BRWD1: variants seen among roughly 807,000 people sequenced by gnomAD.
The protein encoded by BRWD1 is bromodomain and WD repeat-containing protein 1.
Under a neutral mutation model 251.2 loss-of-function variants are expected in BRWD1, and 82 were observed. The observed-to-expected ratio is 0.33, with a 90% CI of 0.27 to 0.39. The LOEUF (loss-of-function observed/expected upper bound fraction) is 0.39. Ranked by LOEUF, BRWD1 falls within the 10% of genes least tolerant of loss-of-function variation. The pLI, the probability that BRWD1 is intolerant of heterozygous loss-of-function variation, is 1.00. For missense variants in BRWD1, 2,233 were observed against 2,711.6 expected (o/e 0.82, Z 3.92); for synonymous variants, 918 against 902.8 (o/e 1.02, Z -0.30).
At chr21:39,310,613 AATT>A (rs919663385) in intron 4 of BRWD1, among the ~76,000 whole-genome samples, 5 of 151,744 alleles carry the variant, frequency 3.3e-5, no homozygotes, top group African/African-American at 4.9e-5. Context: ...CAAAAAAAAA[AATT>A]ATTATTATTC....
At chr21:39,294,078 T>C in intron 7 of BRWD1, 46 bp from the exon 8 acceptor site, 1 of 1,493,976 alleles carries the variant, frequency 6.7e-7, no homozygotes, top group Non-Finnish European at 9.2e-7. Flanking sequence ...CAGCAAATCT[T>C]TTAAATATTA....
At position 39,193,885 on chromosome 21, in the gene BRWD1, G is replaced by A. The variant is rs1196094285; in HGVS notation, c.*2374C>T. Reference sequence around the variant, plus strand: ...CTTAAAGGTACTTAGGAGTGTGTGTGTCACATATTCAAAGTTAACCTTAGG... The same window carrying A: ...CTTAAAGGTACTTAGGAGTGTGTGTATCACATATTCAAAGTTAACCTTAGG... On this transcript the variant is annotated 3_prime_UTR_variant, in exon 41 of 41. Transcript: ENST00000342449. The A allele has an allele frequency of 1.0e-6, 1 of 985,336 alleles. No homozygotes were observed. Among genetic ancestry groups the A allele is most frequent in the East Asian group, 1.1e-4 (1 of 8,812 alleles). 61.0% of individuals were successfully genotyped at this position (985,336 alleles called of 1,614,324 possible).
chr21:39,219,682 T>C (rs1019852275), intron 29 of BRWD1: 1 of 152,120 alleles, frequency 6.6e-6, no homozygotes. Context: ...TACACACAAG[T>C]TTTATATAGA....
chr21:39,213,631 A>T, intron 32 of BRWD1, 78 bp from the exon 33 acceptor site: 1 of 973,480 alleles, frequency 1.0e-6, no homozygotes, highest in East Asian at 2.6e-5. Context: ...ACATTAAAAT[A>T]TAAACAGTTC....
intron 20 of BRWD1, among the ~76,000 whole-genome samples, chr21:39,249,087 A>G (rs1453389910): frequency 6.6e-6 from 1 of 152,212 alleles, no homozygotes; most frequent in Non-Finnish European, 1.5e-5. Flanking sequence ...GCTGGAGGCC[A>G]CTATCCCAAG....
At chr21:39,318,386 T>TA (rs2036718741), upstream of BRWD1, among the ~76,000 whole-genome samples, 1 of 152,184 alleles carries the variant, frequency 6.6e-6, no homozygotes, top group East Asian at 1.9e-4. Context: ...CAAAGCCTAA[T>TA]ATTAGTTTTA....
chr21:39,188,357 C>T lies in BRWD1; in HGVS notation c.*7902G>A, dbSNP rs566321778. On this transcript the variant is annotated 3_prime_UTR_variant, in exon 41 of 41. Transcript: ENST00000342449. ...GACATTTAGCATTCAAAAGGTAAGG[C>T]TGTAGATCACTGAAATAACCAGTTG... is the stretch of plus-strand genomic sequence containing the variant. 7.1e-6 allele frequency: 7 copies of T among 985,212 alleles called. No individual in the cohort carries two copies. The highest frequency in any genetic ancestry group is 7.2e-6 in the Non-Finnish European group (6 of 829,914). 61.0% of individuals were successfully genotyped at this position (985,212 alleles called of 1,614,324 possible).
upstream of BRWD1, chr21:39,314,913 G>A (rs1426621488): frequency 6.5e-6 from 1 of 153,074 alleles, no homozygotes; most frequent in Non-Finnish European, 1.5e-5. Flanking sequence ...ATTTGTGCCT[G>A]TCTCAAAGTT....
intron 33 of BRWD1, 63 bp from the exon 34 acceptor site, chr21:39,212,770 T>G: frequency 8.6e-7 from 1 of 1,163,520 alleles, no homozygotes; most frequent in Non-Finnish European, 1.2e-6. Context: ...TAACATAATC[T>G]TAATAAATAA....
chr21:39,196,605 G>T lies in BRWD1; in HGVS notation c.6464C>A (p.Ser2155Tyr). 6.2e-7 allele frequency: 1 copy of T among 1,613,376 alleles called. No homozygotes were observed. Among genetic ancestry groups the T allele is most frequent in the South Asian group, 1.1e-5 (1 of 90,966 alleles). Residue 2155 changes from serine to tyrosine, a missense_variant, in exon 41 of 41, where the codon TCC (serine) becomes TAC (tyrosine). Physicochemically the swap from Ser to Tyr is moderately radical, Grantham distance 144 (BLOSUM62 -2). Coordinates refer to ENST00000342449, the MANE Select transcript of BRWD1 (RefSeq NM_033656.4). ...TACAGATCCCAAATCTGATGATTTG[G>T]AACTAGTATCAGGTCTAAACTTTGA... ...GNSKFRPDTS[S>Y]KSSDLGSVTE...
In BRWD1 at chr21:39,189,705, G is replaced by A. The variant is rs750338666; in HGVS notation, c.*6554C>T. On this transcript the variant is annotated 3_prime_UTR_variant, in exon 41 of 41. Coordinates refer to ENST00000342449, the MANE Select transcript of BRWD1 (RefSeq NM_033656.4). ...AATTTTTTTAAATACATTCAAGTCAGTGTTAATTTTATTACTGAAAACTGA... is the reference window on the plus strand; with the variant it reads ...AATTTTTTTAAATACATTCAAGTCAATGTTAATTTTATTACTGAAAACTGA... The A allele has an allele frequency of 1.6e-5, 16 of 981,726 alleles. No homozygotes were observed. Among genetic ancestry groups the A allele is most frequent in the African/African-American group, 8.7e-5 (5 of 57,260 alleles). 60.8% of individuals were successfully genotyped at this position (981,726 alleles called of 1,614,324 possible).
At chr21:39,257,668 T>C (rs2034603637) in intron 18 of BRWD1, among the ~76,000 whole-genome samples, 1 of 152,160 alleles carries the variant, frequency 6.6e-6, no homozygotes, top group Non-Finnish European at 1.5e-5. Context: ...TTCAGCTTGT[T>C]GAATGTGATC....
intron 23 of BRWD1, among the ~76,000 whole-genome samples, chr21:39,236,290 A>G (rs1465462855): frequency 1.3e-5 from 2 of 152,052 alleles, no homozygotes; most frequent in Non-Finnish European, 2.9e-5. Flanking sequence ...GGACTGACAG[A>G]TGCTCCCTTC....
At chr21:39,262,783 G>A (rs903282799) in intron 17 of BRWD1, among the ~76,000 whole-genome samples, 1 of 152,256 alleles carries the variant, frequency 6.6e-6, no homozygotes, top group East Asian at 1.9e-4. Context: ...ATGTAACACT[G>A]ATTACAAGGG....
At chr21:39,285,199 C>T (rs1203874870) in intron 8 of BRWD1, among the ~76,000 whole-genome samples, 1 of 152,062 alleles carries the variant, frequency 6.6e-6, no homozygotes, top group Non-Finnish European at 1.5e-5. Flanking sequence ...ACCTAAAGGC[C>T]ATTATGTTAA....
chr21:39,186,852 G>A lies in BRWD1; in HGVS notation c.*9407C>T, dbSNP rs1388885286. The A allele has an allele frequency of 9.2e-7, 1 of 1,089,562 alleles. No individual in the cohort carries two copies. Among genetic ancestry groups the A allele is most frequent in the African/African-American group, 1.6e-5 (1 of 60,670 alleles). 67.5% of individuals were successfully genotyped at this position (1,089,562 alleles called of 1,614,324 possible). On this transcript the variant is annotated 3_prime_UTR_variant, in exon 41 of 41. Transcript: ENST00000342449. ...TTTATTTCCTCCTCAGAATTCCCCA[G>A]AGCACATGTCTGTACAAGAGCTGAC...
At chr21:39,231,526 T>C (rs2033616514) in intron 25 of BRWD1, among the ~76,000 whole-genome samples, 1 of 152,214 alleles carries the variant, frequency 6.6e-6, no homozygotes, top group African/African-American at 2.4e-5. Flanking sequence ...ACAATACTCA[T>C]ATATTTACAA....
At chr21:39,280,388 T>C in intron 8 of BRWD1, 140 bp from the exon 9 acceptor site, 1 of 641,300 alleles carries the variant, frequency 1.6e-6, no homozygotes, top group East Asian at 2.9e-5. Flanking sequence ...ACTACCGTAG[T>C]GAAAAAATCA....
In BRWD1 at chr21:39,192,276, C is replaced by T. The variant is rs2836933; in HGVS notation, c.*3983G>A. 2.0e-6 allele frequency: 2 copies of T among 985,000 alleles called. No homozygotes were observed. The highest frequency in any genetic ancestry group is 1.7e-5 in the African/African-American group (1 of 57,240). The allele number at this position is 985,000 out of a possible 1,614,324, so 61.0% of individuals were successfully genotyped here. ...TACATACTTTACTTTTCAATCCTTA[C>T]TATTCACAGTTTGAGCTAGGAATTA... On this transcript the variant is annotated 3_prime_UTR_variant, in exon 41 of 41. Coordinates refer to ENST00000342449, the MANE Select transcript of BRWD1 (RefSeq NM_033656.4).
Sources: allele counts gnomAD v4.1 joint callset (sites outside exome capture counted in the v4.1 genomes callset), GRCh38; gene constraint gnomAD v4.1.1; transcripts MANE v1.5; gene names NCBI Gene and HGNC (gene_info 2026-07-23, HGNC 2026-07-21).